EHMT1: variants seen among roughly 807,000 people sequenced by gnomAD.
The protein encoded by EHMT1 is euchromatic histone lysine methyltransferase 1.
Under a neutral mutation model 147.2 loss-of-function variants are expected in EHMT1, and 15 were observed. The ratio of observed to expected loss-of-function variants is 0.10; its 90% confidence interval spans 0.07 to 0.16. The LOEUF (loss-of-function observed/expected upper bound fraction) is 0.16, where lower values mean the gene tolerates loss of function less well. Among genes scored for constraint, EHMT1 ranks in the 10% least tolerant of loss-of-function variants. The pLI, the probability that EHMT1 is intolerant of heterozygous loss-of-function variation, is 1.00. For synonymous variants in EHMT1, 795 were observed against 709.6 expected (o/e 1.12, Z -1.91); for missense variants, 1,587 against 1,772.4 (o/e 0.90, Z 1.88).
At chr9:137,657,410 G>A (rs1263369684) in intron 1 of EHMT1, among the ~76,000 whole-genome samples, 2 of 152,020 alleles carry the variant, frequency 1.3e-5, no homozygotes, top group African/African-American at 4.8e-5. Context: ...AGGCTGTCGC[G>A]CTCGTTAGGA....
chr9:137,652,259 G>C (rs1937921439), intron 1 of EHMT1, among the ~76,000 whole-genome samples: 1 of 152,006 alleles, frequency 6.6e-6, no homozygotes, highest in Admixed American at 6.6e-5. Flanking sequence ...TTGTGTTTTA[G>C]TTAATTTTTT....
At chr9:137,748,853 G>A (rs182587792) in intron 6 of EHMT1, among the ~76,000 whole-genome samples, 2 of 152,182 alleles carry the variant, frequency 1.3e-5, no homozygotes, top group South Asian at 2.1e-4. Context: ...CCCTTGTTGT[G>A]TAGTCGACAT....
intron 1 of EHMT1, among the ~76,000 whole-genome samples, chr9:137,635,700 G>A (rs1017263043): frequency 6.6e-5 from 10 of 150,840 alleles, no homozygotes; most frequent in African/African-American, 2.2e-4. Context: ...GGCGCCTGTA[G>A]TTCCAGCTAC....
intron 1 of EHMT1, among the ~76,000 whole-genome samples, chr9:137,688,331 G>C (rs1044196002): frequency 6.6e-6 from 1 of 152,148 alleles, no homozygotes; most frequent in Non-Finnish European, 1.5e-5. Context: ...GCGTGGAACT[G>C]TTCTTGAAAT....
At chr9:137,653,567 C>T (rs548121696) in intron 1 of EHMT1, among the ~76,000 whole-genome samples, 1 of 151,982 alleles carries the variant, frequency 6.6e-6, no homozygotes, top group Admixed American at 6.6e-5. Context: ...TTGCTCTTGT[C>T]GCCCAGGCTG....
rs144421534 is a variant in EHMT1 at position 137,821,035 on chromosome 9, G to A, written c.3540+2897G>A. Among the ~76,000 whole-genome samples, 837 of 152,258 alleles carry A rather than the reference G, an allele frequency of 5.5e-3. 7 individuals carry two copies. The highest frequency in any genetic ancestry group is 0.027 in the Middle Eastern group (8 of 294). On this transcript the variant is annotated intron_variant, in intron 25 of 26. Transcript: ENST00000460843. ...TGGGACTGCAGGTGCCCAGCACCAC[G>A]CCCGGCTAACTTTTTGTATTTTTAG...
chr9:137,689,709 AAAAG>A (rs1229231315), intron 1 of EHMT1, among the ~76,000 whole-genome samples: 5 of 152,240 alleles, frequency 3.3e-5, no homozygotes, highest in African/African-American at 1.2e-4. Flanking sequence ...TCTCAAAAGA[AAAAG>A]AAAAGGACAC....
intron 1 of EHMT1, among the ~76,000 whole-genome samples, chr9:137,668,305 C>T (rs1012882124): frequency 3.3e-5 from 5 of 151,808 alleles, no homozygotes; most frequent in Non-Finnish European, 7.4e-5. Context: ...ATTCTCCTTC[C>T]TCTCCCTTCT....
chr9:137,754,576 G>C (rs180697154), intron 8 of EHMT1, among the ~76,000 whole-genome samples: 1 of 151,938 alleles, frequency 6.6e-6, no homozygotes, highest in Non-Finnish European at 1.5e-5. Flanking sequence ...GCAGTGGCAC[G>C]ATCTCAGCTC....
At chr9:137,761,518 A>G (rs1040092841) in intron 9 of EHMT1, among the ~76,000 whole-genome samples, 5 of 152,232 alleles carry the variant, frequency 3.3e-5, no homozygotes, top group Non-Finnish European at 4.4e-5. Context: ...CAGTGGCACA[A>G]TCTCAGCTCA....
intron 1 of EHMT1, among the ~76,000 whole-genome samples, chr9:137,668,700 G>A (rs576302770): frequency 6.6e-6 from 1 of 150,864 alleles, no homozygotes; most frequent in Admixed American, 6.6e-5. Flanking sequence ...GTTGTCTTTC[G>A]TGCCTGACTT....
chr9:137,826,953 T>C (rs1955847898), intron 25 of EHMT1, among the ~76,000 whole-genome samples: 1 of 152,232 alleles, frequency 6.6e-6, no homozygotes, highest in African/African-American at 2.4e-5. Context: ...GGCACAATAC[T>C]GCTCCATCAG....
At chr9:137,674,920 G>C (rs1162644769) in intron 1 of EHMT1, 1 of 152,256 alleles carries the variant, frequency 6.6e-6, no homozygotes, top group South Asian at 2.1e-4. Flanking sequence ...TTTCTGACCT[G>C]AAAATCATTG....
rs765285098 is a variant in EHMT1 at position 137,716,733 on chromosome 9, A to C, written c.193A>C (p.Ser65Arg). Residue 65 changes from serine (S) to arginine (R), a missense_variant, in exon 3 of 27, where the codon AGT (serine) becomes CGT (arginine). Physicochemically the swap from Ser to Arg is moderately radical, Grantham distance 110. Coordinates refer to ENST00000460843, the MANE Select transcript of EHMT1 (RefSeq NM_024757.5). ...NGSCENSDAS[S>R]HANAAKHTQD... ...GTCTTGTGAAAACAGCGATGCCAGC[A>C]GTCATGCAAATGCTGCAAAGCACAC... is the stretch of plus-strand genomic sequence containing the variant. 5.0e-6 allele frequency: 8 copies of C among 1,612,490 alleles called. No individual in the cohort carries two copies. Among genetic ancestry groups the C allele is most frequent in the South Asian group, 1.1e-5 (1 of 91,092 alleles).
rs774192859 is a variant in EHMT1, at chr9:137,776,850, T to G, written c.2018+6T>G. ...GCCGACACCACAACGGGCAGGTACC[T>G]GGCACAGGCTCTGGCTGGGCTCTCC... On this transcript the variant is annotated splice_donor_region_variant and intron_variant, in intron 12 of 26. Coordinates refer to ENST00000460843, the MANE Select transcript of EHMT1 (RefSeq NM_024757.5). This position sits in a 1 kb window ranked among gnomAD's most constrained non-coding sequence, Gnocchi z 4.4. 2.0e-5 allele frequency: 33 copies of G among 1,613,298 alleles called. 1 individual carries two copies. In the South Asian group the frequency reaches 3.5e-4, roughly 17 times the overall value.
intron 12 of EHMT1, among the ~76,000 whole-genome samples, chr9:137,777,679 C>T (rs533015506): frequency 2.6e-5 from 4 of 152,278 alleles, no homozygotes; most frequent in Admixed American, 1.3e-4. Flanking sequence ...TATTTGAACA[C>T]GCTGCCCAGA....
intron 10 of EHMT1, chr9:137,764,487 C>T (rs1950086966): frequency 1.3e-5 from 2 of 152,252 alleles, no homozygotes; most frequent in Admixed American, 6.5e-5. Flanking sequence ...TCCTCTGTCA[C>T]CAGCGTTCTC....
Position 137,787,998 on chromosome 9 carries a change from A to G in EHMT1, c.2383-2850A>G. On this transcript the variant is annotated intron_variant, in intron 15 of 26. Transcript: ENST00000460843. This position sits in a 1 kb window ranked among gnomAD's most constrained non-coding sequence, Gnocchi z 4.2. ...CCCAGGAACTGAGGTGCCCTGCAGT[A>G]AGTGGAGAGGCCAGGCCCTAGGCTC... 2.7e-6 allele frequency: 4 copies of G among 1,463,620 alleles called. No homozygotes were observed. The highest frequency in any genetic ancestry group is 2.3e-5 in the East Asian group (1 of 43,678). The allele number at this position is 1,463,620 out of a possible 1,614,324, so 90.7% of individuals were successfully genotyped here.
chr9:137,824,994 C>G (rs181478419), intron 25 of EHMT1, among the ~76,000 whole-genome samples: 4 of 152,306 alleles, frequency 2.6e-5, no homozygotes, highest in East Asian at 1.9e-4. Flanking sequence ...CTTCCCGGCA[C>G]TGGGGGAAGA....
Sources: allele counts gnomAD v4.1 joint callset (sites outside exome capture counted in the v4.1 genomes callset), GRCh38; gene constraint gnomAD v4.1.1; non-coding constraint Gnocchi (gnomAD v3.1); transcripts MANE v1.5; gene names NCBI Gene and HGNC (gene_info 2026-07-23, HGNC 2026-07-21).